Variants in FBXO11 observed in about 807,000 individuals in gnomAD.
The protein encoded by FBXO11 is F-box protein 11.
FBXO11 carries 13 observed loss-of-function variants against 117.0 expected under a neutral mutation model. That is an observed-to-expected ratio of 0.11 (90% CI 0.07 to 0.18). The LOEUF (loss-of-function observed/expected upper bound fraction) is 0.18. Ranked by LOEUF, FBXO11 falls within the 10% of genes least tolerant of loss-of-function variation. FBXO11 has a pLI of 1.00. For synonymous variants in FBXO11, 490 were observed against 380.5 expected, an observed-to-expected ratio of 1.29 and a Z score of -3.35; for missense variants, 767 against 1,164.4, an observed-to-expected ratio of 0.66 and a Z score of 4.97.
intron 1 of FBXO11, among the ~76,000 whole-genome samples, chr2:47,843,445 T>G (rs946583476): frequency 6.6e-6 from 1 of 150,622 alleles, no homozygotes; most frequent in African/African-American, 2.5e-5. Context: ...TTTTTTTTTT[T>G]GCCTGCAAAT....
chr2:47,893,942 C>T (rs946991709), intron 1 of FBXO11, among the ~76,000 whole-genome samples: 6 of 152,092 alleles, frequency 3.9e-5, no homozygotes, highest in African/African-American at 1.2e-4. Flanking sequence ...CTGCTTTTTG[C>T]GGATAAGAAA....
Position 47,898,363 on chromosome 2 carries a change from A to C in FBXO11, c.232+7126T>G, listed in dbSNP as rs547797447. On this transcript the variant is annotated intron_variant, in intron 1 of 22. Transcript: ENST00000403359. ...ATAAAAACTCCAAGCTACACATATA[A>C]GAAACACACCAAACCATGGTGAGAA... 8.5e-5 allele frequency among the ~76,000 whole-genome samples: 13 copies of C among 152,368 alleles called. No homozygotes were observed. The South Asian group carries it at 2.5e-3, about 29-fold the overall frequency.
At chr2:47,825,363 G>C (rs978715610) in intron 11 of FBXO11, among the ~76,000 whole-genome samples, 16 of 151,776 alleles carry the variant, frequency 1.1e-4, no homozygotes, top group African/African-American at 3.9e-4. Flanking sequence ...CAGAATAAAA[G>C]TGAATACACA....
Position 47,905,809 on chromosome 2 carries a change from G to C in FBXO11, c.-89C>G, listed in dbSNP as rs1262266714. ...GGGGCAGGAGAAAGGGGTGGGGAGA[G>C]TGGGAGAGGGGGGAGGAAGGAGAGG... is the stretch of plus-strand genomic sequence containing the variant. On this transcript the variant is annotated 5_prime_UTR_variant, in exon 1 of 23. Coordinates refer to ENST00000403359, the MANE Select transcript of FBXO11 (RefSeq NM_001190274.2). 2 of 1,215,802 alleles carry C rather than the reference G, an allele frequency of 1.6e-6. No individual in the cohort carries two copies. Among genetic ancestry groups the C allele is most frequent in the Non-Finnish European group, 2.2e-6 (2 of 898,130 alleles). The allele number at this position is 1,215,802 out of a possible 1,614,324, so 75.3% of individuals were successfully genotyped here.
At chr2:47,864,745 G>A (rs932497059) in intron 1 of FBXO11, among the ~76,000 whole-genome samples, 4 of 152,080 alleles carry the variant, frequency 2.6e-5, no homozygotes, top group Non-Finnish European at 5.9e-5. Context: ...ACTCACTAGG[G>A]CAATGACATA....
At chr2:47,846,190 G>A (rs1156671403) in intron 1 of FBXO11, among the ~76,000 whole-genome samples, 1 of 152,236 alleles carries the variant, frequency 6.6e-6, no homozygotes, top group East Asian at 1.9e-4. Flanking sequence ...ATTTTGGCCA[G>A]GCGTGGTGGC....
rs376410135 is a variant in FBXO11, at chr2:47,862,334, T to C, written c.233-22565A>G. 2.6e-3 allele frequency among the ~76,000 whole-genome samples: 402 copies of C among 152,286 alleles called. 3 individuals carry two copies. Among genetic ancestry groups the C allele is most frequent in the South Asian group, 0.011 (51 of 4,830 alleles). Reference sequence around the variant, plus strand: ...GATACATAACCAGGGTTGAAAGCCATTGGGACTAGAGCAGTAATAGCCTGA... The same window carrying C: ...GATACATAACCAGGGTTGAAAGCCACTGGGACTAGAGCAGTAATAGCCTGA... On this transcript the variant is annotated intron_variant, in intron 1 of 22. Transcript: ENST00000403359.
chr2:47,852,538 A>G (rs947976990), intron 1 of FBXO11, among the ~76,000 whole-genome samples: 3 of 152,254 alleles, frequency 2.0e-5, no homozygotes, highest in African/African-American at 7.2e-5. Context: ...TAGAAAGCCA[A>G]TAAATGGTAG....
At position 47,839,518 on chromosome 2, in the gene FBXO11, A is replaced by T; in HGVS notation, c.361-18T>A. On this transcript the variant is annotated intron_variant, in intron 2 of 22. Transcript: ENST00000403359. ...GAGGCGCCCTTCAAAAACAAAACAG[A>T]AACTAGTAAAGCAAATATTCTTATC... is the stretch of plus-strand genomic sequence containing the variant. The T allele has an allele frequency of 1.2e-6, 2 of 1,612,132 alleles. No homozygotes were observed. Among genetic ancestry groups the T allele is most frequent in the Non-Finnish European group, 1.7e-6 (2 of 1,179,398 alleles).
At chr2:47,875,655 G>A (rs1446122686) in intron 1 of FBXO11, among the ~76,000 whole-genome samples, 1 of 152,092 alleles carries the variant, frequency 6.6e-6, no homozygotes, top group South Asian at 2.1e-4. Context: ...TATGGTAACT[G>A]TAAGATAGAA....
Position 47,807,607 on chromosome 2 carries a change from TAAA to T in FBXO11, c.*508_*510del, listed in dbSNP as rs1454502662. On this transcript the variant is annotated 3_prime_UTR_variant, in exon 23 of 23. Transcript: ENST00000403359. ...AGTACAGTAAGATTTTGCTTGAAAT[TAAA>T]AACAAACTACATGAGATTAAAGCAT... 4.6e-6 allele frequency: 1 copy of T among 218,958 alleles called. No homozygotes were observed. The highest frequency in any genetic ancestry group is 9.2e-6 in the Non-Finnish European group (1 of 108,982). The allele number at this position is 218,958 out of a possible 1,614,324, so 13.6% of individuals were successfully genotyped here.
intron 1 of FBXO11, among the ~76,000 whole-genome samples, chr2:47,871,630 G>A (rs1345229910): frequency 3.3e-5 from 5 of 152,024 alleles, no homozygotes; most frequent in Non-Finnish European, 4.4e-5. Flanking sequence ...TCCATAAACC[G>A]CCTATTTAGA....
chr2:47,876,404 T>C (rs1233977699), intron 1 of FBXO11, among the ~76,000 whole-genome samples: 1 of 152,236 alleles, frequency 6.6e-6, no homozygotes, highest in East Asian at 1.9e-4. Context: ...TTTACTATTC[T>C]TGCTGAAGTA....
chr2:47,878,614 G>A (rs189523955), intron 1 of FBXO11, among the ~76,000 whole-genome samples: 3 of 151,400 alleles, frequency 2.0e-5, no homozygotes, highest in East Asian at 3.9e-4. Flanking sequence ...TGCCCACCTC[G>A]GCCTCCCAAA....
At chr2:47,888,332 T>A (rs889132256) in intron 1 of FBXO11, among the ~76,000 whole-genome samples, 1 of 152,148 alleles carries the variant, frequency 6.6e-6, no homozygotes, top group African/African-American at 2.4e-5. Flanking sequence ...TGAACAAACC[T>A]CAAGAATTGG....
chr2:47,884,624 T>C (rs558193240), intron 1 of FBXO11, among the ~76,000 whole-genome samples: 1 of 152,358 alleles, frequency 6.6e-6, no homozygotes, highest in South Asian at 2.1e-4. Flanking sequence ...ATCATTGCTG[T>C]CTTTGAAGAG....
intron 11 of FBXO11, among the ~76,000 whole-genome samples, chr2:47,825,673 C>T (rs1438494333): frequency 2.0e-5 from 3 of 149,196 alleles, no homozygotes; most frequent in African/African-American, 7.4e-5. Flanking sequence ...ATCTCCTGGG[C>T]TCAAACGATC....
chr2:47,808,437 A>G lies in FBXO11; in HGVS notation c.2556-10T>C. The G allele has an allele frequency of 6.4e-7, 1 of 1,572,890 alleles. No individual in the cohort carries two copies. The highest frequency in any genetic ancestry group is 8.6e-7 in the Non-Finnish European group (1 of 1,164,018). Reference sequence around the variant, plus strand: ...GTTACAAGTATGACATCTAAAAAGCAAAAGCTTAAATTACTTTTCTCAAAC... The same window carrying G: ...GTTACAAGTATGACATCTAAAAAGCGAAAGCTTAAATTACTTTTCTCAAAC... On this transcript the variant is annotated splice_polypyrimidine_tract_variant and intron_variant, in intron 21 of 22. Transcript: ENST00000403359.
intron 1 of FBXO11, among the ~76,000 whole-genome samples, chr2:47,904,568 G>A (rs982405561): frequency 2.2e-5 from 3 of 139,356 alleles, no homozygotes; most frequent in African/African-American, 8.1e-5. Flanking sequence ...ACACACACAC[G>A]CGCGCGCGCG....
Sources: allele counts gnomAD v4.1 joint callset (sites outside exome capture counted in the v4.1 genomes callset), GRCh38; gene constraint gnomAD v4.1.1; transcripts MANE v1.5; gene names NCBI Gene and HGNC (gene_info 2026-07-23, HGNC 2026-07-21).